The following SLC2A3 variants were observed in gnomAD, a reference collection of about 807,000 sequenced individuals.
The protein encoded by SLC2A3 is solute carrier family 2, facilitated glucose transporter member 3.
SLC2A3 carries 21 observed loss-of-function variants against 46.4 expected under a neutral mutation model. That is an observed-to-expected ratio of 0.45 (90% CI 0.32 to 0.65). SLC2A3 has a LOEUF of 0.65. Ranked by LOEUF, SLC2A3 falls within the 30% of genes least tolerant of loss-of-function variation. The probability of loss-of-function intolerance (pLI) is 0.04; values close to 1 mark genes in which losing one functional copy is unlikely to be tolerated. For synonymous variants in SLC2A3, 213 were observed against 239.4 expected, an observed-to-expected ratio of 0.89 and a Z score of 1.02; for missense variants, 499 against 623.3, an observed-to-expected ratio of 0.80 and a Z score of 2.12.
At chr12:7,932,713 GT>G (rs1206143816) in intron 3 of SLC2A3, 16 of 367,268 alleles carry the variant, frequency 4.4e-5, no homozygotes, top group South Asian at 7.8e-5. Flanking sequence ...CCATAGTTGA[GT>G]TTACTAGGGA....
intron 9 of SLC2A3, among the ~76,000 whole-genome samples, chr12:7,922,406 A>C (rs889222952): frequency 2.6e-5 from 4 of 151,980 alleles, no homozygotes; most frequent in Non-Finnish European, 5.9e-5. Context: ...GCAATTTTCC[A>C]TTTAATATTT....
Position 7,931,281 on chromosome 12 carries a change from G to C in SLC2A3, c.474C>G (p.Asn158Lys), listed in dbSNP as rs1946153124. Reference protein sequence around the residue: ...TALRGAFGTLNQLGIVVGILV... With the variant: ...TALRGAFGTLKQLGIVVGILV... The stretch of plus-strand genomic sequence containing the variant: ...GAATTCCAACAACGATGCCCAGCTG[G>C]TTGAGAGTGCCAAAGGCACCCCGCA... Residue 158 changes from asparagine to lysine, a missense_variant, in exon 4 of 10, where the codon AAC becomes AAG. Physicochemically the swap from Asn to Lys is moderately conservative, Grantham distance 94 (BLOSUM62 0). Coordinates refer to ENST00000075120, the MANE Select transcript of SLC2A3 (RefSeq NM_006931.3). The C allele has an allele frequency of 6.2e-7, 1 of 1,614,020 alleles. No individual in the cohort carries two copies. Among genetic ancestry groups the C allele is most frequent in the Admixed American group, 1.7e-5 (1 of 59,980 alleles).
chr12:7,933,662 C>G, intron 2 of SLC2A3, 148 bp downstream of exon 2: 2 of 780,990 alleles, frequency 2.6e-6, no homozygotes, highest in Non-Finnish European at 4.1e-6. Flanking sequence ...CTCCTGGACT[C>G]AAGTGATCTT....
In SLC2A3 at chr12:7,925,830, A is replaced by G. The variant is rs1946089903; in HGVS notation, c.966+14T>C. On this transcript the variant is annotated intron_variant, in intron 7 of 9. Coordinates refer to ENST00000075120, the MANE Select transcript of SLC2A3 (RefSeq NM_006931.3). ...TCTTTTCTCCCCTCAAAATTACCAA[A>G]CCATCCAACTTACAGAAACTACAGT... 6.3e-7 allele frequency: 1 copy of G among 1,598,028 alleles called. No homozygotes were observed. The highest frequency in any genetic ancestry group is 2.2e-5 in the East Asian group (1 of 44,784).
In SLC2A3 at chr12:7,920,587, A is replaced by C. The variant is rs1946026735; in HGVS notation, c.*826T>G. ...TTTATTATATAGGTATATGACTTTT[A>C]CGAGAAGTTAAAGAGTTTCCATCTG... On this transcript the variant is annotated 3_prime_UTR_variant, in exon 10 of 10. Transcript: ENST00000075120. The C allele has an allele frequency of 2.0e-5, 3 of 152,108 alleles. No homozygotes were observed. Among genetic ancestry groups the C allele is most frequent in the Admixed American group, 2.0e-4 (3 of 15,266 alleles). The allele number at this position is 152,108 out of a possible 1,614,324, so 9.4% of individuals were successfully genotyped here.
Position 7,930,513 on chromosome 12 carries a change from T to A in SLC2A3, c.640A>T (p.Ile214Phe). The A allele has an allele frequency of 1.9e-6, 3 of 1,613,808 alleles. No individual in the cohort carries two copies. ...FCPESPRFLL[I>F]NRKEEENAKQ... ...GCATTCTCCTCTTCTTTTCTGTTAA[T>A]GAGCAAAAATCTGGGACTTTCAGGG... The change falls in exon 5 of 10, where the codon ATT becomes TTT. Residue 214 changes from isoleucine to phenylalanine, a missense_variant. Around this residue, in one of 5 missense-constraint regions of SLC2A3, gnomAD observed 248 missense variants for 284.0 expected, o/e 0.87. Transcript: ENST00000075120.
At chr12:7,922,366 C>T (rs143634041) in intron 9 of SLC2A3, among the ~76,000 whole-genome samples, 1,840 of 152,100 alleles carry the variant, frequency 0.012, 28 homozygotes, top group African/African-American at 0.041. Context: ...TGTCTGGCCG[C>T]AAATTAAACT....
At chr12:7,922,748 C>A in intron 9 of SLC2A3, 73 bp downstream of exon 9, 1 of 1,593,694 alleles carries the variant, frequency 6.3e-7, no homozygotes, top group Non-Finnish European at 8.6e-7. Flanking sequence ...CAGGCCCAGA[C>A]TACTGTATTA....
chr12:7,928,033 G>T (rs773557573), intron 6 of SLC2A3, among the ~76,000 whole-genome samples: 1 of 152,162 alleles, frequency 6.6e-6, no homozygotes, highest in East Asian at 1.9e-4. Context: ...TTGAACCCAG[G>T]AGATGGAGGT....
At chr12:7,923,667 G>A (rs1482794062) in intron 8 of SLC2A3, among the ~76,000 whole-genome samples, 7 of 151,814 alleles carry the variant, frequency 4.6e-5, no homozygotes, top group Admixed American at 1.3e-4. Context: ...GCCATGTTGC[G>A]TAGGCTGGTC....
rs1946032021 is a variant in SLC2A3, at chr12:7,921,073, T to G, written c.*340A>C. Reference sequence around the variant, plus strand: ...AGTCTGAGGTTGGGGGAACTGCACCTTACTTTTCCTCTCCTATATCCCCTA... The same window carrying G: ...AGTCTGAGGTTGGGGGAACTGCACCGTACTTTTCCTCTCCTATATCCCCTA... On this transcript the variant is annotated 3_prime_UTR_variant, in exon 10 of 10. Transcript: ENST00000075120. 2 of 495,838 alleles carry G rather than the reference T, an allele frequency of 4.0e-6. No individual in the cohort carries two copies. Among genetic ancestry groups the G allele is most frequent in the South Asian group, 3.2e-5 (2 of 62,056 alleles). The allele number at this position is 495,838 out of a possible 1,614,324, so 30.7% of individuals were successfully genotyped here.
rs763395922 is a variant in SLC2A3 at position 7,925,802 on chromosome 12, G to T, written c.966+42C>A. 7.6e-6 allele frequency: 11 copies of T among 1,442,382 alleles called. No individual in the cohort carries two copies. The South Asian group carries it at 1.0e-4, about 14-fold the overall frequency. The allele number at this position is 1,442,382 out of a possible 1,614,324, so 89.3% of individuals were successfully genotyped here. ...TCCATCTTTGAACATCTGTAGCAAG[G>T]ATTCTTTTCTCCCCTCAAAATTACC... On this transcript the variant is annotated intron_variant, in intron 7 of 9. Transcript: ENST00000075120.
chr12:7,925,753 C>A, intron 7 of SLC2A3, 91 bp downstream of exon 7: 1 of 1,005,324 alleles, frequency 9.9e-7, no homozygotes, highest in Non-Finnish European at 1.5e-6. Flanking sequence ...AAAAAGGTAA[C>A]TAAATGATGG....
chr12:7,928,463 G>A (rs770200644), intron 6 of SLC2A3, among the ~76,000 whole-genome samples: 39 of 152,118 alleles, frequency 2.6e-4, no homozygotes, highest in African/African-American at 8.2e-4. Context: ...GACTGCTCAC[G>A]GATCACTTGT....
At chr12:7,933,720 T>G in intron 2 of SLC2A3, 90 bp downstream of exon 2, 1 of 1,397,724 alleles carries the variant, frequency 7.2e-7, no homozygotes, top group Non-Finnish European at 1.0e-6. Flanking sequence ...GATGCCACCA[T>G]GCCTGGCCTT....
At chr12:7,933,954 T>C in intron 1 of SLC2A3, 52 bp from the exon 2 acceptor site, 1 of 1,526,020 alleles carries the variant, frequency 6.6e-7, no homozygotes, top group Non-Finnish European at 9.1e-7. Flanking sequence ...TTGTGATTGA[T>C]GACTGTTTCT....
chr12:7,933,038 C>G lies in SLC2A3; in HGVS notation c.218G>C (p.Gly73Ala). Residue 73 changes from glycine (G) to alanine (A), a missense_variant, in exon 3 of 10, where the codon GGG becomes GCG. This residue lies in a region of SLC2A3 where 248 missense variants were observed against 284.0 expected (regional missense o/e 0.87). Coordinates refer to ENST00000075120, the MANE Select transcript of SLC2A3 (RefSeq NM_006931.3). ...WSLSVAIFSV[G>A]GMIGSFSVGL... ...GACGGAAAAGGAGCCGATCATACCC[C>G]CGACGGAAAATATGGCCACAGACAA... The G allele has an allele frequency of 6.2e-7, 1 of 1,614,112 alleles. No homozygotes were observed. The highest frequency in any genetic ancestry group is 8.5e-7 in the Non-Finnish European group (1 of 1,180,010).
rs775610655 is a variant in SLC2A3, at chr12:7,922,971, T to C, written c.1122A>G (p.Val374=). 13 of 1,613,910 alleles carry C rather than the reference T, an allele frequency of 8.1e-6. No homozygotes were observed. Among genetic ancestry groups the C allele is most frequent in the Middle Eastern group, 3.3e-4 (2 of 6,082 alleles). Residue 374 remains valine (V), a synonymous_variant, in exon 9 of 10, where the codon GTA becomes GTG. Coordinates refer to ENST00000075120, the MANE Select transcript of SLC2A3 (RefSeq NM_006931.3). ...FVCIGAILVF[V]AFFEIGPGPI... is the part of the protein sequence containing the mutation. ...GGCCTGGTCCAATTTCAAAGAAGGC[T>C]ACAAAGACCAAGATAGCCCCAATAC...
chr12:7,929,453 C>CT (rs11294774), intron 6 of SLC2A3: 17,750 of 481,184 alleles, frequency 0.037, 1 homozygote, highest in Middle Eastern at 0.048. Flanking sequence ...CTTCCAGGGT[C>CT]TTTTTTTTTT....
Sources: gnomAD v4.1 joint callset for allele counts (sites outside exome capture counted in the v4.1 genomes callset) on GRCh38, gnomAD v4.1.1 for gene constraint, gnomAD v4.1.1 regional missense constraint, MANE v1.5 for transcripts, NCBI Gene and HGNC (gene_info 2026-07-23, HGNC 2026-07-21) for gene names.